PALLD: variants seen among roughly 807,000 people sequenced by gnomAD.
PALLD encodes the protein palladin, cytoskeletal associated protein, also known as palladin.
PALLD carries 61 observed loss-of-function variants against 123.5 expected under a neutral mutation model. That is an observed-to-expected ratio of 0.49 (90% CI 0.40 to 0.61). PALLD has a LOEUF of 0.61. Among genes scored for constraint, PALLD ranks in the 20% least tolerant of loss-of-function variants. The probability of loss-of-function intolerance (pLI) is 0.00; values close to 1 mark genes in which losing one functional copy is unlikely to be tolerated. For synonymous variants in PALLD, 465 were observed against 496.4 expected (o/e 0.94, Z 0.84); for missense variants, 1,273 against 1,377.0 (o/e 0.92, Z 1.20).
intron 10 of PALLD, among the ~76,000 whole-genome samples, chr4:168,811,396 T>C (rs28523960): frequency 0.033 from 5,038 of 152,232 alleles, 279 homozygotes; most frequent in African/African-American, 0.11. Context: ...TCTTTTGTCA[T>C]GAGTAGATAA....
At chr4:168,632,030 C>A in intron 2 of PALLD, 1 of 456,642 alleles carries the variant, frequency 2.2e-6, no homozygotes, top group Non-Finnish European at 2.9e-6. Flanking sequence ...ACTCAGAATA[C>A]CGTGTTCCGC....
At chr4:168,806,458 C>G (rs1740213762) in intron 10 of PALLD, among the ~76,000 whole-genome samples, 1 of 152,196 alleles carries the variant, frequency 6.6e-6, no homozygotes. Flanking sequence ...TTCCCCTTCA[C>G]CCTTCCACCA....
intron 2 of PALLD, among the ~76,000 whole-genome samples, chr4:168,659,526 G>A (rs984265814): frequency 2.6e-5 from 4 of 152,200 alleles, no homozygotes; most frequent in African/African-American, 7.2e-5. Flanking sequence ...TTGTGAGGAA[G>A]AAATGGAGAG....
chr4:168,560,342 G>A (rs905440443), intron 2 of PALLD, among the ~76,000 whole-genome samples: 5 of 152,252 alleles, frequency 3.3e-5, no homozygotes, highest in Admixed American at 2.6e-4. Flanking sequence ...AGTTCTTCTT[G>A]TCCAGTAACA....
At chr4:168,626,170 G>A (rs1238344840) in intron 2 of PALLD, among the ~76,000 whole-genome samples, 1 of 151,968 alleles carries the variant, frequency 6.6e-6, no homozygotes, top group East Asian at 1.9e-4. Flanking sequence ...GGAGGCCGAA[G>A]CAGGCGGATC....
At chr4:168,605,977 A>G (rs189199407) in intron 2 of PALLD, among the ~76,000 whole-genome samples, 1 of 151,766 alleles carries the variant, frequency 6.6e-6, no homozygotes, top group Non-Finnish European at 1.5e-5. Context: ...TCTTTTTTTC[A>G]TTAAAGGGCA....
At chr4:168,613,060 A>G (rs1160805520) in intron 2 of PALLD, among the ~76,000 whole-genome samples, 1 of 152,194 alleles carries the variant, frequency 6.6e-6, no homozygotes, top group African/African-American at 2.4e-5. Flanking sequence ...GTGGAGAAAA[A>G]TGAAAATATT....
intron 2 of PALLD, among the ~76,000 whole-genome samples, chr4:168,599,009 A>C (rs552807405): frequency 2.6e-5 from 4 of 152,216 alleles, no homozygotes; most frequent in African/African-American, 9.6e-5. Context: ...ATTCCTTATT[A>C]TATTGAAACT....
At chr4:168,878,188 G>A (rs1240251030) in intron 10 of PALLD, 7 of 1,219,976 alleles carry the variant, frequency 5.7e-6, no homozygotes, top group South Asian at 2.7e-5. Flanking sequence ...TCAGCCCCAC[G>A]GCTGCCTTCC....
chr4:168,711,641 A>T lies in PALLD; in HGVS notation c.1682A>T (p.His561Leu). Residue 561 changes from histidine to leucine, a missense_variant, in exon 10 of 22, where the codon CAC (histidine) becomes CTC (leucine). Physicochemically the swap from His to Leu is moderately conservative, Grantham distance 99. Transcript: ENST00000505667. Reference sequence around the variant, plus strand: ...GAATCCAACAATGACCACTTCCAACACTTTCCACCTCCCCCTCCAATCTTG... The same window carrying T: ...GAATCCAACAATGACCACTTCCAACTCTTTCCACCTCCCCCTCCAATCTTG... ...MGESNNDHFQ[H>L]FPPPPPILET... 6.2e-7 allele frequency: 1 copy of T among 1,614,120 alleles called. No individual in the cohort carries two copies. The highest frequency in any genetic ancestry group is 8.5e-7 in the Non-Finnish European group (1 of 1,180,000).
In PALLD at chr4:168,580,088, AC is replaced by A. The variant is rs1192786595; in HGVS notation, c.908+67677del. The stretch of plus-strand genomic sequence containing the variant: ...TTCTACCTTCTGTTTTATGAGTTTG[AC>A]TTTTTTGGATTCCACGTGTGTCAGA... On this transcript the variant is annotated intron_variant, in intron 2 of 21. Coordinates refer to ENST00000505667, the MANE Select transcript of PALLD (RefSeq NM_001166108.2). Among the ~76,000 whole-genome samples, 4 of 152,070 alleles carry A rather than the reference AC, an allele frequency of 2.6e-5. No individual in the cohort carries two copies. The East Asian group carries it at 7.7e-4, about 29-fold the overall frequency.
chr4:168,924,800 C>G (rs1762260688), intron 19 of PALLD, 145 bp from the exon 20 acceptor site: 2 of 774,230 alleles, frequency 2.6e-6, no homozygotes, highest in Non-Finnish European at 4.4e-6. Flanking sequence ...TTTAATGGAG[C>G]TAGTAATCTC....
intron 10 of PALLD, among the ~76,000 whole-genome samples, chr4:168,786,948 A>T (rs528540228): frequency 3.3e-5 from 5 of 152,236 alleles, no homozygotes; most frequent in Non-Finnish European, 4.4e-5. Flanking sequence ...GGAGGTTAAC[A>T]CTTGACAATC....
intron 10 of PALLD, among the ~76,000 whole-genome samples, chr4:168,856,674 A>G (rs1269002390): frequency 6.6e-6 from 1 of 152,240 alleles, no homozygotes; most frequent in Non-Finnish European, 1.5e-5. Flanking sequence ...CATTTTAAAG[A>G]TGAAGAAGCA....
intron 2 of PALLD, among the ~76,000 whole-genome samples, chr4:168,561,301 G>A (rs1003941938): frequency 2.6e-5 from 4 of 151,298 alleles, no homozygotes; most frequent in Admixed American, 6.6e-5. Context: ...TCACTCTATC[G>A]CCCAGGCTAG....
chr4:168,846,224 A>G (rs1004731413), intron 10 of PALLD, among the ~76,000 whole-genome samples: 2 of 152,222 alleles, frequency 1.3e-5, no homozygotes, highest in Non-Finnish European at 2.9e-5. Context: ...TGGAAGTACT[A>G]TATAGATCCA....
chr4:168,698,996 CTG>C (rs1392908336), intron 8 of PALLD, among the ~76,000 whole-genome samples: 17 of 152,090 alleles, frequency 1.1e-4, no homozygotes, highest in African/African-American at 3.6e-4. Context: ...GTTCATTTCA[CTG>C]TTATTCGTTA....
At chr4:168,505,224 GA>G (rs1273813722) in intron 1 of PALLD, among the ~76,000 whole-genome samples, 2 of 152,112 alleles carry the variant, frequency 1.3e-5, no homozygotes, top group Admixed American at 1.3e-4. Flanking sequence ...ATATGCCATA[GA>G]ACTATTATTT....
intron 2 of PALLD, among the ~76,000 whole-genome samples, chr4:168,666,355 C>T (rs901026526): frequency 1.3e-5 from 2 of 152,102 alleles, no homozygotes; most frequent in Non-Finnish European, 2.9e-5. Flanking sequence ...GTTTAGCAGG[C>T]GTTATTTTTT....
Sources: allele counts gnomAD v4.1 joint callset (sites outside exome capture counted in the v4.1 genomes callset), GRCh38; gene constraint gnomAD v4.1.1; transcripts MANE v1.5; gene names NCBI Gene and HGNC (gene_info 2026-07-23, HGNC 2026-07-21).